CDYL: variants seen among roughly 807,000 people sequenced by gnomAD.
The protein encoded by CDYL is chromodomain Y like, also known as chromodomain Y-like protein.
Under a neutral mutation model 47.3 loss-of-function variants are expected in CDYL, and 8 were observed. That is an observed-to-expected ratio of 0.17 (90% CI 0.10 to 0.31). The LOEUF (loss-of-function observed/expected upper bound fraction) is 0.31, where lower values mean the gene tolerates loss of function less well. CDYL is among the 10% of genes least tolerant of loss of function. The probability of loss-of-function intolerance (pLI) is 1.00; values close to 1 mark genes in which losing one functional copy is unlikely to be tolerated. For missense variants in CDYL, 471 were observed against 701.4 expected (o/e 0.67, Z 3.71); for synonymous variants, 266 against 265.0 (o/e 1.00, Z -0.04).
chr6:4,944,135 A>G lies in CDYL; in HGVS notation c.1332+379A>G, dbSNP rs534543289. 3.3e-5 allele frequency among the ~76,000 whole-genome samples: 5 copies of G among 152,244 alleles called. No individual in the cohort carries two copies. The South Asian group carries it at 8.3e-4, about 25-fold the overall frequency. ...ATAGGATTAGAGGGTTGTCGTCCAT[A>G]TAATTGTGTGTTTTTATTTCTTTAA... On this transcript the variant is annotated intron_variant, in intron 5 of 6. Coordinates refer to ENST00000397588, the MANE Select transcript of CDYL (RefSeq NM_004824.4).
At chr6:4,735,017 T>C (rs1757676643) in intron 3 of CDYL, among the ~76,000 whole-genome samples, 1 of 152,196 alleles carries the variant, frequency 6.6e-6, no homozygotes, top group South Asian at 2.1e-4. Flanking sequence ...CCGGGCACAG[T>C]GGCTCATGCC....
At chr6:4,810,924 G>C (rs918771891) in intron 1 of CDYL, among the ~76,000 whole-genome samples, 28 of 152,164 alleles carry the variant, frequency 1.8e-4, no homozygotes, top group African/African-American at 6.8e-4. Flanking sequence ...GGAAATTTTG[G>C]GGGACACAAA....
rs115152485 is a variant in CDYL, at chr6:4,740,138, T to C, written c.186+5294T>C. On this transcript the variant is annotated intron_variant, in intron 3 of 8. Transcript: ENST00000328908. ...CTTTTATTAGATACTTGCTAAATTA[T>C]AGCTATCCTTGAAGTTATCTATCAA... Among the ~76,000 whole-genome samples the C allele has an allele frequency of 3.0e-3, 450 of 152,328 alleles. 7 individuals are homozygous for C. The highest frequency in any genetic ancestry group is 9.9e-3 in the African/African-American group (413 of 41,578).
intron 1 of CDYL, among the ~76,000 whole-genome samples, chr6:4,817,042 A>G (rs902637437): frequency 6.6e-6 from 1 of 152,196 alleles, no homozygotes; most frequent in Admixed American, 6.5e-5. Flanking sequence ...TATCATCAAA[A>G]TGCTTTTAGA....
Position 4,755,975 on chromosome 6 carries a change from G to T in CDYL, c.186+21131G>T, listed in dbSNP as rs139547441. Among the ~76,000 whole-genome samples, 10 of 152,230 alleles carry T rather than the reference G, an allele frequency of 6.6e-5. No homozygotes were observed. In the East Asian group the frequency reaches 1.3e-3, roughly 21 times the overall value. ...CTCCTTCATATGGAAACTTGAAATT[G>T]TGAAGGTTTTTCCCTCCTCCTTATT... On this transcript the variant is annotated intron_variant, in intron 3 of 8. Coordinates refer to the CDYL transcript ENST00000328908.
rs1561821241 is a variant in CDYL at position 4,718,422 on chromosome 6, C to CTCA, written c.103+2541_103+2542insTCA. ...GCCTCCCAAGTAGCTGGGATTACAG[C>CTCA]GTGTGCCATGACGCCCAGCTGATTT... On this transcript the variant is annotated intron_variant, in intron 2 of 8. Coordinates refer to the CDYL transcript ENST00000328908. The CTCA allele has an allele frequency of 2.6e-5, 4 of 151,926 alleles. No homozygotes were observed. In the East Asian group the frequency reaches 7.8e-4, roughly 30 times the overall value. The allele number at this position is 151,926 out of a possible 1,614,324, so 9.4% of individuals were successfully genotyped here.
chr6:4,903,227 G>A (rs923102736), intron 2 of CDYL, among the ~76,000 whole-genome samples: 1 of 152,194 alleles, frequency 6.6e-6, no homozygotes, highest in Non-Finnish European at 1.5e-5. Flanking sequence ...GAGTCAGCAG[G>A]CCTGTGCTCC....
rs200558204 is a variant in CDYL, at chr6:4,952,407, G to C, written c.1474G>C (p.Val492Leu). ...RIKELASCNP[V>L]VLEESKALVR... Reference sequence around the variant, plus strand: ...TAAGGAGCTTGCCTCGTGCAATCCAGTTGTATGTCTAATTGCTTCTGTTAC... The same window carrying C: ...TAAGGAGCTTGCCTCGTGCAATCCACTTGTATGTCTAATTGCTTCTGTTAC... Residue 492 changes from valine to leucine, a missense_variant and splice_region_variant, in exon 6 of 7, where the codon GTT becomes CTT. Physicochemically the swap from Val to Leu is conservative, Grantham distance 32 (BLOSUM62 1). Coordinates refer to ENST00000397588, the MANE Select transcript of CDYL (RefSeq NM_004824.4). 114 of 1,610,550 alleles carry C rather than the reference G, an allele frequency of 7.1e-5. No individual in the cohort carries two copies. Among genetic ancestry groups the C allele is most frequent in the Admixed American group, 2.7e-4 (16 of 59,150 alleles).
chr6:4,781,833 A>G (rs1423783487), intron 1 of CDYL, among the ~76,000 whole-genome samples: 6 of 152,208 alleles, frequency 3.9e-5, no homozygotes, highest in African/African-American at 1.4e-4. Flanking sequence ...TTTTGTAAAT[A>G]AGGAGTGATA....
chr6:4,774,646 A>C (rs144739814), upstream of CDYL: 2 of 152,340 alleles, frequency 1.3e-5, no homozygotes, highest in East Asian at 1.9e-4. Context: ...TCATTGAACA[A>C]CACCTTATTT....
At chr6:4,792,360 A>G (rs1021534425) in intron 1 of CDYL, among the ~76,000 whole-genome samples, 1 of 152,040 alleles carries the variant, frequency 6.6e-6, no homozygotes, top group African/African-American at 2.4e-5. Flanking sequence ...TTTAAAATCA[A>G]TAATACATTT....
chr6:4,760,019 A>G (rs1758150712), intron 3 of CDYL, among the ~76,000 whole-genome samples: 1 of 151,306 alleles, frequency 6.6e-6, no homozygotes, highest in Non-Finnish European at 1.5e-5. Context: ...GATTAGTTTC[A>G]TTTTACCCCT....
At chr6:4,740,060 A>C (rs867029351) in intron 3 of CDYL, among the ~76,000 whole-genome samples, 5 of 152,242 alleles carry the variant, frequency 3.3e-5, no homozygotes, top group Non-Finnish European at 7.3e-5. Flanking sequence ...ATACTTTAAA[A>C]AAATTTTCCC....
chr6:4,816,864 A>G (rs965513978), intron 1 of CDYL, among the ~76,000 whole-genome samples: 3 of 151,924 alleles, frequency 2.0e-5, no homozygotes, highest in African/African-American at 7.3e-5. Flanking sequence ...ATAAGCTGAC[A>G]CCTATGTGTT....
chr6:4,895,429 A>ATATATGTGCATATGTG lies in CDYL; in HGVS notation c.691+3050_691+3051insTATATGTGCATATGTG, dbSNP rs1762237718. On this transcript the variant is annotated intron_variant, in intron 2 of 6. Transcript: ENST00000397588. ...CATGTATACGTATATATGCATGTATACATGTATACGTATATATGCATATAT... is the reference window on the plus strand; with the variant it reads ...CATGTATACGTATATATGCATGTATATATATGTGCATATGTGCATGTATACGTATATATGCATATAT... Among the ~76,000 whole-genome samples, 4 of 6,244 alleles carry ATATATGTGCATATGTG rather than the reference A, an allele frequency of 6.4e-4. 2 individuals are homozygous for ATATATGTGCATATGTG. Among genetic ancestry groups the ATATATGTGCATATGTG allele is most frequent in the African/African-American group, 6.7e-4 (4 of 5,956 alleles). The allele number at this position is 6,244 out of a possible 152,430, so 4.1% of individuals were successfully genotyped here.
chr6:4,816,249 CCT>C (rs1388954646), intron 1 of CDYL, among the ~76,000 whole-genome samples: 3 of 147,084 alleles, frequency 2.0e-5, no homozygotes, highest in African/African-American at 7.7e-5. Context: ...CTCTCGCGTC[CCT>C]GTTTTTTTTT....
At chr6:4,805,166 T>C (rs953229076) in intron 1 of CDYL, among the ~76,000 whole-genome samples, 2 of 152,214 alleles carry the variant, frequency 1.3e-5, no homozygotes, top group Non-Finnish European at 2.9e-5. Context: ...GTCAGTGAAT[T>C]AGCTTTTTAC....
intron 1 of CDYL, among the ~76,000 whole-genome samples, chr6:4,840,353 G>A (rs955551298): frequency 2.4e-4 from 37 of 152,158 alleles, no homozygotes; most frequent in African/African-American, 7.7e-4. Flanking sequence ...ATCAGCAAAC[G>A]GTGACGGTTT....
chr6:4,845,694 A>G (rs1169673428), intron 1 of CDYL, among the ~76,000 whole-genome samples: 1 of 152,232 alleles, frequency 6.6e-6, no homozygotes. Context: ...GAGTGTGGCT[A>G]TATACCAATA....
Sources: gnomAD v4.1 joint callset for allele counts (sites outside exome capture counted in the v4.1 genomes callset) on GRCh38, gnomAD v4.1.1 for gene constraint, MANE v1.5 for transcripts, NCBI Gene and HGNC (gene_info 2026-07-23, HGNC 2026-07-21) for gene names.